Variants in RGL1 observed in about 807,000 individuals in gnomAD.
RGL1 encodes the protein ral guanine nucleotide dissociation stimulator-like 1.
A neutral mutation model predicts 95.2 loss-of-function variants in RGL1; 24 were observed. The ratio of observed to expected loss-of-function variants is 0.25; its 90% CI spans 0.18 to 0.35. The LOEUF (loss-of-function observed/expected upper bound fraction) is 0.35, where lower values mean the gene tolerates loss of function less well. Among genes scored for constraint, RGL1 ranks in the 10% least tolerant of loss-of-function variants. The pLI, the probability that RGL1 is intolerant of heterozygous loss-of-function variation, is 1.00. For missense variants in RGL1, 715 were observed against 936.3 expected, an observed-to-expected ratio of 0.76 and a Z score of 3.08; for synonymous variants, 329 against 344.9, an observed-to-expected ratio of 0.95 and a Z score of 0.51.
intron 1 of RGL1, among the ~76,000 whole-genome samples, chr1:183,673,277 G>A (rs1041568489): frequency 6.6e-6 from 1 of 152,228 alleles, no homozygotes; most frequent in Admixed American, 6.5e-5. Context: ...TTTAATATCA[G>A]TGTCTCAACT....
At chr1:183,644,858 A>G (rs1233447640) in intron 1 of RGL1, among the ~76,000 whole-genome samples, 4 of 152,208 alleles carry the variant, frequency 2.6e-5, no homozygotes, top group Admixed American at 6.5e-5. Context: ...ATTTAGTATT[A>G]TATAAATTGG....
chr1:183,801,062 T>C (rs982443471), upstream of RGL1, among the ~76,000 whole-genome samples: 5 of 151,960 alleles, frequency 3.3e-5, no homozygotes, highest in African/African-American at 9.7e-5. Flanking sequence ...CTGTTTTCCA[T>C]AGTGGCTGCA....
rs114840028 is a variant in RGL1 at position 183,671,783 on chromosome 1, T to C, written c.-33+35282T>C. Among the ~76,000 whole-genome samples, 465 of 152,278 alleles carry C rather than the reference T, an allele frequency of 3.1e-3. 3 individuals are homozygous for C. Among genetic ancestry groups the C allele is most frequent in the African/African-American group, 0.011 (443 of 41,560 alleles). On this transcript the variant is annotated intron_variant, in intron 1 of 18. Coordinates refer to the RGL1 transcript ENST00000304685. ...AGAGTATATGGAAGCTGAGAGGAAGTATTATGGCTGTAGACTCAGTAGGGC... is the reference window on the plus strand; with the variant it reads ...AGAGTATATGGAAGCTGAGAGGAAGCATTATGGCTGTAGACTCAGTAGGGC...
rs2102771784 is a variant in RGL1 at position 183,926,800 on chromosome 1, TA to T, written c.*511del. 6.5e-6 allele frequency: 1 copy of T among 152,706 alleles called. No homozygotes were observed. Among genetic ancestry groups the T allele is most frequent in the East Asian group, 1.9e-4 (1 of 5,186 alleles). The allele number at this position is 152,706 out of a possible 1,614,324, so 9.5% of individuals were successfully genotyped here. ...ACAAGAAGCCCAAACTTTATTTTTATAAAGGGAGAGGATGACTTTCTCAATC... is the reference window on the plus strand; with the variant it reads ...ACAAGAAGCCCAAACTTTATTTTTATAAGGGAGAGGATGACTTTCTCAATC... On this transcript the variant is annotated 3_prime_UTR_variant, in exon 18 of 18. Coordinates refer to ENST00000360851, the MANE Select transcript of RGL1 (RefSeq NM_001297671.3).
intron 1 of RGL1, among the ~76,000 whole-genome samples, chr1:183,644,589 C>A (rs1030673775): frequency 4.0e-5 from 6 of 151,886 alleles, no homozygotes; most frequent in Non-Finnish European, 5.9e-5. Context: ...CCACGCCTGG[C>A]CGAATAATAT....
rs1188049486 is a variant in RGL1 at position 183,880,640 on chromosome 1, C to T, written c.450C>T (p.Ala150=). The T allele has an allele frequency of 6.2e-7, 1 of 1,613,750 alleles. No homozygotes were observed. Among genetic ancestry groups the T allele is most frequent in the Non-Finnish European group, 8.5e-7 (1 of 1,179,826 alleles). ...GTGCAATCGCTTCCATACTAAGGGCCTGGCTTGACCAGTGTGCAGAAGACT... is the reference window on the plus strand; with the variant it reads ...GTGCAATCGCTTCCATACTAAGGGCTTGGCTTGACCAGTGTGCAGAAGACT... ...IRNAIASILR[A]WLDQCAEDFR... The change falls in exon 5 of 18, where the codon GCC becomes GCT. Residue 150 remains alanine (A), a synonymous_variant. Coordinates refer to ENST00000360851, the MANE Select transcript of RGL1 (RefSeq NM_001297671.3).
chr1:183,891,645 A>G (rs1266853091), intron 8 of RGL1, among the ~76,000 whole-genome samples: 3 of 151,958 alleles, frequency 2.0e-5, no homozygotes, highest in Non-Finnish European at 4.4e-5. Flanking sequence ...GAAATTTGGG[A>G]AAATCCCTGG....
chr1:183,674,477 A>G (rs932431348), intron 1 of RGL1, among the ~76,000 whole-genome samples: 1 of 152,088 alleles, frequency 6.6e-6, no homozygotes, highest in Non-Finnish European at 1.5e-5. Flanking sequence ...AGTCCATGCA[A>G]CCTTTTTACT....
chr1:183,681,686 T>C (rs78189973), intron 1 of RGL1, among the ~76,000 whole-genome samples: 1 of 152,254 alleles, frequency 6.6e-6, no homozygotes, highest in Non-Finnish European at 1.5e-5. Context: ...GATGCTGGCC[T>C]CACAAAATGA....
chr1:183,907,019 C>T lies in RGL1; in HGVS notation c.1480C>T (p.Leu494=), dbSNP rs183087437. The change falls in exon 14 of 18, where the codon CTG becomes TTG. Residue 494 remains leucine, a synonymous_variant. Transcript: ENST00000360851. ...CCCCCTTCTCTTTCTCAGCTATGCCCTGTCATGTGAGATTGAAGCAGCTGC... is the reference window on the plus strand; with the variant it reads ...CCCCCTTCTCTTTCTCAGCTATGCCTTGTCATGTGAGATTGAAGCAGCTGC... ...QLLTEEESYA[L]SCEIEAAADA... is the part of the protein sequence containing the mutation. 110 of 1,605,586 alleles carry T rather than the reference C, an allele frequency of 6.9e-5. 1 individual carries two copies. The Admixed American group carries it at 1.7e-3, about 24-fold the overall frequency.
At chr1:183,726,198 A>G (rs1656301977) in intron 1 of RGL1, among the ~76,000 whole-genome samples, 1 of 152,236 alleles carries the variant, frequency 6.6e-6, no homozygotes, top group Non-Finnish European at 1.5e-5. Context: ...AAAAGAAGAA[A>G]ACTCTATAAG....
intron 16 of RGL1, among the ~76,000 whole-genome samples, chr1:183,917,921 G>A (rs754883825): frequency 2.4e-4 from 37 of 152,198 alleles, no homozygotes; most frequent in Non-Finnish European, 4.6e-4. Context: ...AGGCGGGGAA[G>A]CAAGTTAGGA....
At chr1:183,739,941 T>TA (rs1448247804) in intron 1 of RGL1, among the ~76,000 whole-genome samples, 2 of 152,222 alleles carry the variant, frequency 1.3e-5, no homozygotes, top group Non-Finnish European at 2.9e-5. Context: ...ATGTTACGCT[T>TA]ACGGATGTTC....
intron 16 of RGL1, among the ~76,000 whole-genome samples, chr1:183,917,792 A>G (rs1352910782): frequency 6.6e-6 from 1 of 152,232 alleles, no homozygotes; most frequent in African/African-American, 2.4e-5. Context: ...TGGCCCACAC[A>G]GAGGAGTGTG....
intron 1 of RGL1, among the ~76,000 whole-genome samples, chr1:183,638,089 C>A (rs764776013): frequency 2.0e-5 from 3 of 152,102 alleles, no homozygotes; most frequent in Non-Finnish European, 2.9e-5. Context: ...TATCTCTTCT[C>A]TTACATTTCT....
Position 183,796,001 on chromosome 1 carries a change from AATG to A in RGL1, c.133-10365_133-10363del, listed in dbSNP as rs138614769. ...ACATGTAGTAGTAACAGATAATAAC[AATG>A]ATGATGATAGACAACATTATCTAGT... On this transcript the variant is annotated intron_variant, in intron 2 of 18. Coordinates refer to the RGL1 transcript ENST00000304685. 7.9e-5 allele frequency among the ~76,000 whole-genome samples: 12 copies of A among 152,130 alleles called. No homozygotes were observed. The East Asian group carries it at 2.3e-3, about 29-fold the overall frequency.
chr1:183,853,027 A>T (rs1463152211), intron 3 of RGL1, among the ~76,000 whole-genome samples: 1 of 151,882 alleles, frequency 6.6e-6, no homozygotes, highest in Non-Finnish European at 1.5e-5. Flanking sequence ...TGTGTTATGC[A>T]CTCTAATATC....
Position 183,891,936 on chromosome 1 carries a change from C to T in RGL1, c.1056-141C>T, listed in dbSNP as rs1032897894. The T allele has an allele frequency of 5.3e-6, 3 of 563,312 alleles. No homozygotes were observed. In the African/African-American group the frequency reaches 5.6e-5, roughly 11 times the overall value. The allele number at this position is 563,312 out of a possible 1,614,324, so 34.9% of individuals were successfully genotyped here. A position where few individuals can be genotyped will look rare whatever the true frequency, so the allele number is the denominator to read the frequency against. On this transcript the variant is annotated intron_variant, in intron 8 of 17. Transcript: ENST00000360851. ...TCCCGCATAAAAAAAAATCATGGGC[C>T]TTATCTGTGCTTACAGTACCCACCA... is the stretch of plus-strand genomic sequence containing the variant.
chr1:183,866,132 T>A, intron 4 of RGL1, 59 bp downstream of exon 4: 1 of 1,348,018 alleles, frequency 7.4e-7, no homozygotes, highest in Non-Finnish European at 1.1e-6. Context: ...CTTAAAGTAG[T>A]TTAGTAGAGT....
Sources: gnomAD v4.1 joint callset for allele counts (sites outside exome capture counted in the v4.1 genomes callset) on GRCh38, gnomAD v4.1.1 for gene constraint, MANE v1.5 for transcripts, NCBI Gene and HGNC (gene_info 2026-07-23, HGNC 2026-07-21) for gene names.